The following VWDE variants were observed in gnomAD, a reference collection of about 807,000 sequenced individuals.
VWDE encodes the protein von Willebrand factor D and EGF domains.
VWDE carries 207 observed loss-of-function variants against 178.4 expected under a neutral mutation model. That is an observed-to-expected ratio of 1.16 (90% CI 1.04 to 1.30). VWDE has a LOEUF of 1.30. Among genes scored for constraint, VWDE ranks in the 50% most tolerant of loss-of-function variants. VWDE has a pLI of 0.00. For missense variants in VWDE, 2,287 were observed against 1,901.3 expected (o/e 1.20, Z -3.77); for synonymous variants, 738 against 651.4 (o/e 1.13, Z -2.02).
At chr7:12,381,411 T>G (rs1383052217) in intron 4 of VWDE, among the ~76,000 whole-genome samples, 5 of 152,102 alleles carry the variant, frequency 3.3e-5, no homozygotes, top group African/African-American at 1.2e-4. Flanking sequence ...GAAAAATATC[T>G]GAGTGGTAAA....
chr7:12,341,999 G>A (rs1258158851), intron 23 of VWDE, 60 bp downstream of exon 23: 7 of 1,361,320 alleles, frequency 5.1e-6, no homozygotes, highest in Admixed American at 4.0e-5. Flanking sequence ...CACGTCTTCA[G>A]GACATTGGCA....
At position 12,335,374 on chromosome 7, in the gene VWDE, G is replaced by A. The variant is rs1360612746; in HGVS notation, c.4654+767C>T. 2.6e-5 allele frequency among the ~76,000 whole-genome samples: 4 copies of A among 152,062 alleles called. No individual in the cohort carries two copies. In the East Asian group the frequency reaches 5.8e-4, roughly 22 times the overall value. On this transcript the variant is annotated intron_variant, in intron 27 of 28. Coordinates refer to ENST00000275358, the MANE Select transcript of VWDE (RefSeq NM_001135924.3). ...TATGTAGAAATTTATAACTAATACT[G>A]GATGGAGATATACTAAAACTCTAAA...
At chr7:12,333,431 C>T (rs1446348184) in intron 28 of VWDE, 34 bp downstream of exon 28, 1 of 1,313,102 alleles carries the variant, frequency 7.6e-7, no homozygotes, top group African/African-American at 1.5e-5. Context: ...ATGTCAATGT[C>T]TAATATTTAT....
At chr7:12,349,105 T>C (rs549703071) in intron 19 of VWDE, among the ~76,000 whole-genome samples, 2 of 152,078 alleles carry the variant, frequency 1.3e-5, no homozygotes, top group Admixed American at 6.6e-5. Flanking sequence ...AGGGATAGCA[T>C]TGGGAGATAT....
At position 12,331,786 on chromosome 7, in the gene VWDE, G is replaced by A. The variant is rs116523980; in HGVS notation, c.4759-589C>T. 5.4e-3 allele frequency among the ~76,000 whole-genome samples: 828 copies of A among 152,218 alleles called. 4 individuals carry two copies. The highest frequency in any genetic ancestry group is 0.034 in the Middle Eastern group (10 of 294). On this transcript the variant is annotated intron_variant, in intron 28 of 28. Coordinates refer to ENST00000275358, the MANE Select transcript of VWDE (RefSeq NM_001135924.3). ...AATCACAGAGCAAATAAGTGGCAGG[G>A]TCAGAGTGAGTGCACTCAGCCACAA...
chr7:12,401,305 C>G (rs112970015), intron 1 of VWDE, among the ~76,000 whole-genome samples: 1 of 152,004 alleles, frequency 6.6e-6, no homozygotes, highest in South Asian at 2.1e-4. Flanking sequence ...TCTAAGGAAT[C>G]AACTAAAAAA....
At chr7:12,360,185 C>T (rs1054546190) in intron 15 of VWDE, among the ~76,000 whole-genome samples, 1 of 152,002 alleles carries the variant, frequency 6.6e-6, no homozygotes, top group Admixed American at 6.6e-5. Context: ...ATCATTACAC[C>T]AAACATTTGA....
intron 7 of VWDE, 72 bp from the exon 8 acceptor site, chr7:12,375,299 A>G (rs1783464742): frequency 9.4e-7 from 1 of 1,064,038 alleles, no homozygotes; most frequent in Non-Finnish European, 1.4e-6. Context: ...TAAATTAATT[A>G]ACATGAAACA....
intron 2 of VWDE, among the ~76,000 whole-genome samples, chr7:12,392,199 C>G (rs1373845394): frequency 6.6e-6 from 1 of 152,188 alleles, no homozygotes; most frequent in South Asian, 2.1e-4. Context: ...TGAAGTAACA[C>G]TAGCTACCTA....
intron 10 of VWDE, among the ~76,000 whole-genome samples, chr7:12,371,400 C>T (rs967282905): frequency 6.6e-6 from 1 of 151,934 alleles, no homozygotes; most frequent in Non-Finnish European, 1.5e-5. Flanking sequence ...GCTGAATGAC[C>T]CTAGTAGCCT....
intron 24 of VWDE, 35 bp from the exon 25 acceptor site, chr7:12,337,307 A>G: frequency 6.7e-6 from 10 of 1,496,804 alleles, no homozygotes; most frequent in Non-Finnish European, 9.1e-6. Context: ...TGTGAATATT[A>G]CACATCCCAT....
chr7:12,355,579 T>A (rs1782196649), intron 18 of VWDE, among the ~76,000 whole-genome samples: 1 of 152,226 alleles, frequency 6.6e-6, no homozygotes, highest in Admixed American at 6.5e-5. Context: ...AATATTCATA[T>A]GAGTTTTTAA....
chr7:12,368,337 G>T (rs1782973932), intron 12 of VWDE, among the ~76,000 whole-genome samples: 1 of 151,788 alleles, frequency 6.6e-6, no homozygotes, highest in Admixed American at 6.6e-5. Context: ...TTAAGACCAT[G>T]GAATTGTGTA....
At chr7:12,398,019 G>GA (rs962541687) in intron 1 of VWDE, among the ~76,000 whole-genome samples, 43 of 152,150 alleles carry the variant, frequency 2.8e-4, no homozygotes, top group African/African-American at 1.0e-3. Context: ...TCAAAGAACT[G>GA]AAAAAAGAAC....
intron 18 of VWDE, among the ~76,000 whole-genome samples, chr7:12,355,172 T>A (rs1389440513): frequency 6.6e-6 from 1 of 152,120 alleles, no homozygotes; most frequent in Non-Finnish European, 1.5e-5. Flanking sequence ...ATCCCAGTAC[T>A]TCGGGAGGCT....
At chr7:12,384,346 G>A (rs1050717230) in intron 3 of VWDE, among the ~76,000 whole-genome samples, 3 of 151,998 alleles carry the variant, frequency 2.0e-5, no homozygotes, top group Admixed American at 6.6e-5. Flanking sequence ...GGGGTTGAGA[G>A]GAGGGAGGGG....
chr7:12,338,645 C>T (rs919499742), intron 24 of VWDE, among the ~76,000 whole-genome samples: 11 of 152,076 alleles, frequency 7.2e-5, no homozygotes, highest in Admixed American at 3.3e-4. Flanking sequence ...ATTAGGAAAA[C>T]GAGGTTTATG....
chr7:12,389,321 G>C lies in VWDE; in HGVS notation c.281C>G (p.Ser94Cys). Residue 94 changes from serine (S) to cysteine (C), a missense_variant, in exon 3 of 29, where the codon TCT becomes TGT. Physicochemically the swap from Ser to Cys is moderately radical, Grantham distance 112. Transcript: ENST00000275358. ...TGGCAGTGTTTCTGAATCTCTCAGA[G>C]ACAGCCAGATGGGGGCCTGAGTTCC... ...HCGTQAPIWL[S>C]LRDSETLPSP... is the part of the protein sequence containing the mutation. 6.4e-7 allele frequency: 1 copy of C among 1,550,698 alleles called. No individual in the cohort carries two copies. Among genetic ancestry groups the C allele is most frequent in the Non-Finnish European group, 8.7e-7 (1 of 1,146,148 alleles).
intron 13 of VWDE, among the ~76,000 whole-genome samples, chr7:12,363,175 T>C (rs1192330230): frequency 2.0e-5 from 3 of 152,082 alleles, no homozygotes; most frequent in African/African-American, 4.8e-5. Context: ...TAAGTCTAAC[T>C]AACTAGCACA....
Sources: gnomAD v4.1 joint callset for allele counts (sites outside exome capture counted in the v4.1 genomes callset) on GRCh38, gnomAD v4.1.1 for gene constraint, MANE v1.5 for transcripts, NCBI Gene and HGNC (gene_info 2026-07-23, HGNC 2026-07-21) for gene names.